Variants in ADAM28 observed in about 807,000 individuals in gnomAD.
ADAM28 encodes the protein ADAM metallopeptidase domain 28.
Under a neutral mutation model 101.2 loss-of-function variants are expected in ADAM28, and 105 were observed. The observed-to-expected ratio is 1.04, with a 90% CI of 0.89 to 1.22. The LOEUF is 1.22. Among genes scored for constraint, ADAM28 ranks in the 50% most tolerant of loss-of-function variants. The pLI, the probability that ADAM28 is intolerant of heterozygous loss-of-function variation, is 0.00. For synonymous variants in ADAM28, 322 were observed against 310.6 expected, an observed-to-expected ratio of 1.04 and a Z score of -0.39; for missense variants, 1,028 against 945.4, an observed-to-expected ratio of 1.09 and a Z score of -1.15.
chr8:24,319,126 T>C (rs1811544917), intron 6 of ADAM28, among the ~76,000 whole-genome samples: 1 of 151,990 alleles, frequency 6.6e-6, no homozygotes, highest in Non-Finnish European at 1.5e-5. Context: ...TTTTCTATGC[T>C]CTAAATATGC....
At chr8:24,320,200 A>T (rs1416163845) in intron 6 of ADAM28, 36 bp from the exon 7 acceptor site, 1 of 1,443,024 alleles carries the variant, frequency 6.9e-7, no homozygotes, top group African/African-American at 1.4e-5. Context: ...TGCAGAAAAC[A>T]ATATTGTATC....
chr8:24,329,160 T>C (rs1563301855), intron 10 of ADAM28, among the ~76,000 whole-genome samples: 1 of 152,132 alleles, frequency 6.6e-6, no homozygotes. Flanking sequence ...GGTTTTACCA[T>C]GTTCATCTCA....
intron 9 of ADAM28, among the ~76,000 whole-genome samples, chr8:24,324,254 A>G (rs1812259878): frequency 6.6e-6 from 1 of 151,990 alleles, no homozygotes; most frequent in Non-Finnish European, 1.5e-5. Flanking sequence ...AGTTTATATA[A>G]TGGAAAGAGA....
chr8:24,351,665 G>T, intron 20 of ADAM28: 1 of 457,396 alleles, frequency 2.2e-6, no homozygotes, highest in Non-Finnish European at 4.0e-6. Context: ...ATGTATGTCT[G>T]TATGATAATA....
intron 2 of ADAM28, among the ~76,000 whole-genome samples, chr8:24,306,841 C>G (rs1198632652): frequency 6.6e-6 from 1 of 152,170 alleles, no homozygotes; most frequent in African/African-American, 2.4e-5. Context: ...AGATTCTGTC[C>G]TATCCACAGA....
At chr8:24,312,716 A>G (rs1280672802) in intron 5 of ADAM28, among the ~76,000 whole-genome samples, 1 of 152,020 alleles carries the variant, frequency 6.6e-6, no homozygotes, top group Admixed American at 6.6e-5. Context: ...CATAAGCTCC[A>G]TAAGAAAAGA....
At chr8:24,319,019 C>T (rs982107137) in intron 6 of ADAM28, among the ~76,000 whole-genome samples, 12 of 151,986 alleles carry the variant, frequency 7.9e-5, no homozygotes, top group Admixed American at 2.0e-4. Flanking sequence ...AACCCCTATA[C>T]GATTGTGGTC....
chr8:24,331,081 A>G, intron 11 of ADAM28, 69 bp from the exon 12 acceptor site: 2 of 1,440,440 alleles, frequency 1.4e-6, no homozygotes, highest in South Asian at 1.5e-5. Context: ...AATTGTGCCT[A>G]ATGTCAGATA....
In ADAM28 at chr8:24,334,103, C is replaced by T. The variant is rs1264068816; in HGVS notation, c.1372-1343C>T. Among the ~76,000 whole-genome samples, 6 of 152,130 alleles carry T rather than the reference C, an allele frequency of 3.9e-5. No homozygotes were observed. The East Asian group carries it at 1.2e-3, about 29-fold the overall frequency. ...GTACTCAAAGAGTGTTTAGTAAATG[C>T]TATTTGTTAGAGATTATGGTAGGTA... On this transcript the variant is annotated intron_variant, in intron 13 of 22. Transcript: ENST00000265769.
At chr8:24,310,122 C>A (rs2129263830) in intron 3 of ADAM28, 41 bp from the exon 4 acceptor site, 1 of 1,596,746 alleles carries the variant, frequency 6.3e-7, no homozygotes, top group East Asian at 2.2e-5. Context: ...ACTTAGCAAT[C>A]AGCACAAGTA....
At chr8:24,318,546 T>C (rs1315434172) in intron 6 of ADAM28, among the ~76,000 whole-genome samples, 3 of 151,972 alleles carry the variant, frequency 2.0e-5, no homozygotes, top group African/African-American at 7.2e-5. Context: ...ATTATCTTTT[T>C]AATATATCTA....
intron 5 of ADAM28, 53 bp downstream of exon 5, chr8:24,311,490 G>T: frequency 7.0e-7 from 1 of 1,429,658 alleles, no homozygotes; most frequent in South Asian, 1.2e-5. Flanking sequence ...ATTTATGTAT[G>T]TATCTAACCA....
At position 24,357,354 on chromosome 8, in the gene ADAM28, C is replaced by T. The variant is rs1393173623; in HGVS notation, c.*2950C>T. On this transcript the variant is annotated 3_prime_UTR_variant, in exon 23 of 23. Coordinates refer to ENST00000265769, the MANE Select transcript of ADAM28 (RefSeq NM_014265.6). ...TTTCTATTAGTCTGTTTTCACATGG[C>T]TATAAAGAATACCACCTGAGACTGG... 1 of 152,108 alleles carries T rather than the reference C, an allele frequency of 6.6e-6. No homozygotes were observed. The highest frequency in any genetic ancestry group is 1.5e-5 in the Non-Finnish European group (1 of 68,034). 9.4% of individuals were successfully genotyped at this position (152,108 alleles called of 1,614,324 possible). A position where few individuals can be genotyped will look rare whatever the true frequency, so the allele number is the denominator to read the frequency against.
In ADAM28 at chr8:24,332,710, T is replaced by C; in HGVS notation, c.1332T>C (p.Thr444=). ...CTAAGACATGTAAAATCAAAGCAAC[T>C]TTTCAATGTGCATTAGGAGAATGTT... ...CDAKTCKIKA[T]FQCALGECCE... is the part of the protein sequence containing the mutation. Residue 444 remains threonine (T), a synonymous_variant, in exon 13 of 23, where the codon ACT becomes ACC. Coordinates refer to ENST00000265769, the MANE Select transcript of ADAM28 (RefSeq NM_014265.6). The C allele has an allele frequency of 6.6e-7, 1 of 1,524,070 alleles. No homozygotes were observed. The allele number at this position is 1,524,070 out of a possible 1,614,324, so 94.4% of individuals were successfully genotyped here. A position where few individuals can be genotyped will look rare whatever the true frequency, so the allele number is the denominator to read the frequency against.
At chr8:24,352,214 AT>A (rs1816242463) in intron 21 of ADAM28, among the ~76,000 whole-genome samples, 162 bp downstream of exon 21, 1 of 152,234 alleles carries the variant, frequency 6.6e-6, no homozygotes, top group Non-Finnish European at 1.5e-5. Context: ...TTTTGAAAAT[AT>A]AAAAAAATGA....
At chr8:24,323,757 TA>T in intron 8 of ADAM28, 76 bp from the exon 9 acceptor site, 1 of 1,406,424 alleles carries the variant, frequency 7.1e-7, no homozygotes, top group African/African-American at 1.5e-5. Flanking sequence ...TGTTTAAAAA[TA>T]CAAAATATAT....
At chr8:24,317,540 GA>G (rs200885490) in intron 6 of ADAM28, among the ~76,000 whole-genome samples, 1,659 of 151,874 alleles carry the variant, frequency 0.011, 31 homozygotes, top group South Asian at 0.084. Context: ...AAATCAAAAT[GA>G]AAAAGAAACC....
At chr8:24,314,047 G>A (rs999236828) in intron 6 of ADAM28, among the ~76,000 whole-genome samples, 1 of 152,070 alleles carries the variant, frequency 6.6e-6, no homozygotes, top group Admixed American at 6.6e-5. Flanking sequence ...ATGAGCCACC[G>A]CACTTAGCCG....
At chr8:24,308,738 GC>G in intron 2 of ADAM28, 1 of 455,934 alleles carries the variant, frequency 2.2e-6, no homozygotes, top group South Asian at 1.5e-5. Context: ...TGACAGCAGA[GC>G]AGACCTCAAC....
Sources: allele counts gnomAD v4.1 joint callset (sites outside exome capture counted in the v4.1 genomes callset), GRCh38; gene constraint gnomAD v4.1.1; transcripts MANE v1.5; gene names NCBI Gene and HGNC (gene_info 2026-07-23, HGNC 2026-07-21).